The following NLN variants were observed in gnomAD, a reference collection of about 807,000 sequenced individuals.
NLN encodes neurolysin, mitochondrial.
Under a neutral mutation model 79.9 loss-of-function variants are expected in NLN, and 64 were observed. The ratio of observed to expected loss-of-function variants is 0.80; its 90% CI spans 0.65 to 0.99. The LOEUF (loss-of-function observed/expected upper bound fraction) is 0.99. NLN is among the 50% of genes least tolerant of loss of function. The pLI, the probability that NLN is intolerant of heterozygous loss-of-function variation, is 0.00. For synonymous variants in NLN, 267 were observed against 296.6 expected (o/e 0.90, Z 1.02); for missense variants, 835 against 858.7 (o/e 0.97, Z 0.34).
rs1301030870 is a variant in NLN at position 65,812,392 on chromosome 5, G to A, written c.1980+1G>A. On this transcript the variant is annotated splice_donor_variant, in intron 12 of 12. Transcript: ENST00000380985. LOFTEE classifies it high-confidence loss of function. ...AAAAGAAGGGATAATGAATCCAGAG[G>A]TATAGTATTATTTTTCTCCTTTTAT... The A allele has an allele frequency of 1.3e-6, 2 of 1,503,616 alleles. No individual in the cohort carries two copies. The highest frequency in any genetic ancestry group is 9.2e-7 in the Non-Finnish European group (1 of 1,084,946). The allele number at this position is 1,503,616 out of a possible 1,614,324, so 93.1% of individuals were successfully genotyped here.
At chr5:65,754,269 C>T (rs948023722) in intron 1 of NLN, among the ~76,000 whole-genome samples, 43 of 152,194 alleles carry the variant, frequency 2.8e-4, no homozygotes, top group African/African-American at 7.9e-4. Context: ...TCTGTTTTAT[C>T]GTAAATCAGA....
At chr5:65,785,971 C>A (rs1314847877) in intron 7 of NLN, 61 bp downstream of exon 7, 3 of 1,480,780 alleles carry the variant, frequency 2.0e-6, no homozygotes, top group African/African-American at 1.4e-5. Flanking sequence ...AGACAGAAGG[C>A]CTCAGAACAT....
At chr5:65,741,539 C>A (rs1036060779) in intron 1 of NLN, among the ~76,000 whole-genome samples, 3 of 152,120 alleles carry the variant, frequency 2.0e-5, no homozygotes, top group African/African-American at 7.2e-5. Flanking sequence ...CACACACTAA[C>A]AAGCCTAAGT....
intron 3 of NLN, among the ~76,000 whole-genome samples, chr5:65,764,804 A>G (rs1759417513): frequency 6.6e-6 from 1 of 152,214 alleles, no homozygotes; most frequent in South Asian, 2.1e-4. Flanking sequence ...ACTCTACATC[A>G]GGATAATAAA....
chr5:65,726,264 G>A (rs1365872240), intron 1 of NLN, among the ~76,000 whole-genome samples: 3 of 152,142 alleles, frequency 2.0e-5, no homozygotes, highest in Non-Finnish European at 4.4e-5. Context: ...TGTGTACTTG[G>A]TCACATATAA....
In NLN at chr5:65,722,426, G is replaced by A; in HGVS notation, c.41+12G>A. On this transcript the variant is annotated intron_variant, in intron 1 of 12. Coordinates refer to ENST00000380985, the MANE Select transcript of NLN (RefSeq NM_020726.5). The stretch of plus-strand genomic sequence containing the variant: ...CGAAGCCTCCGCAGGTACCTCCAGC[G>A]CGCGGGTTAACCTTGGCCGTGGGCA... 1.3e-6 allele frequency: 2 copies of A among 1,582,616 alleles called. No individual in the cohort carries two copies. Among genetic ancestry groups the A allele is most frequent in the Admixed American group, 1.8e-5 (1 of 56,448 alleles).
At chr5:65,788,646 G>A (rs1759990735) in intron 8 of NLN, among the ~76,000 whole-genome samples, 162 bp downstream of exon 8, 1 of 152,084 alleles carries the variant, frequency 6.6e-6, no homozygotes, top group South Asian at 2.1e-4. Flanking sequence ...GACCAGCCTG[G>A]GCAACATAGT....
intron 2 of NLN, among the ~76,000 whole-genome samples, chr5:65,762,091 C>G (rs1759351817): frequency 6.6e-6 from 1 of 152,004 alleles, no homozygotes; most frequent in Admixed American, 6.5e-5. Context: ...GATGAAAAAC[C>G]CAGGAACCAC....
At chr5:65,752,556 G>A (rs1759123307) in intron 1 of NLN, among the ~76,000 whole-genome samples, 1 of 152,192 alleles carries the variant, frequency 6.6e-6, no homozygotes, top group South Asian at 2.1e-4. Flanking sequence ...GCAGCTGCTG[G>A]AATGACTACA....
At chr5:65,783,227 G>T (rs557584131) in intron 6 of NLN, among the ~76,000 whole-genome samples, 1 of 152,278 alleles carries the variant, frequency 6.6e-6, no homozygotes, top group African/African-American at 2.4e-5. Flanking sequence ...GATGGTAGTG[G>T]TTGCACAATA....
At chr5:65,798,224 C>T (rs189633137) in intron 9 of NLN, among the ~76,000 whole-genome samples, 78 of 152,284 alleles carry the variant, frequency 5.1e-4, no homozygotes, top group Non-Finnish European at 9.0e-4. Flanking sequence ...ACAGTACGCT[C>T]TGAAGTAGAT....
At chr5:65,740,679 G>A (rs549455119) in intron 1 of NLN, among the ~76,000 whole-genome samples, 122 of 151,790 alleles carry the variant, frequency 8.0e-4, no homozygotes, top group Non-Finnish European at 1.3e-3. Flanking sequence ...CTGTCTTTTC[G>A]TGTGTTCCTG....
intron 2 of NLN, among the ~76,000 whole-genome samples, chr5:65,760,633 T>C (rs1199923517): frequency 6.6e-6 from 1 of 152,120 alleles, no homozygotes; most frequent in Non-Finnish European, 1.5e-5. Flanking sequence ...CTGCCTCAGC[T>C]TCCTGAGTAG....
At chr5:65,772,711 TTTTG>T (rs908536560) in intron 3 of NLN, among the ~76,000 whole-genome samples, 18 of 152,068 alleles carry the variant, frequency 1.2e-4, no homozygotes, top group Non-Finnish European at 1.6e-4. Flanking sequence ...TTGTTTTGTT[TTTTG>T]TTTGTTTGTT....
At chr5:65,781,540 C>T in intron 6 of NLN, 119 bp downstream of exon 6, 1 of 721,696 alleles carries the variant, frequency 1.4e-6, no homozygotes, top group South Asian at 1.6e-5. Context: ...TGCACTGTAT[C>T]TCTAATTCCT....
chr5:65,790,086 A>T (rs144188181), intron 8 of NLN, among the ~76,000 whole-genome samples: 1 of 152,246 alleles, frequency 6.6e-6, no homozygotes, highest in Admixed American at 6.5e-5. Context: ...TATAGATTCC[A>T]TAGTGTTTCA....
At chr5:65,732,272 A>ATTCTGCCCACTCT (rs1450932883) in intron 1 of NLN, among the ~76,000 whole-genome samples, 3 of 142,480 alleles carry the variant, frequency 2.1e-5, no homozygotes, top group African/African-American at 5.3e-5. Context: ...GACTCTGCCC[A>ATTCTGCCCACTCT]GAGGGATGGC....
intron 1 of NLN, among the ~76,000 whole-genome samples, chr5:65,740,707 C>G (rs183717375): frequency 6.6e-6 from 1 of 151,864 alleles, no homozygotes; most frequent in Admixed American, 6.6e-5. Context: ...CGTCCAAAAT[C>G]GGTTGGCCAT....
intron 3 of NLN, among the ~76,000 whole-genome samples, chr5:65,772,720 T>A (rs1162373267): frequency 1.3e-5 from 2 of 151,880 alleles, no homozygotes; most frequent in African/African-American, 4.8e-5. Flanking sequence ...TTTTTGTTTG[T>A]TTGTTTGTTT....
Sources: allele counts gnomAD v4.1 joint callset (sites outside exome capture counted in the v4.1 genomes callset), GRCh38; gene constraint gnomAD v4.1.1; transcripts MANE v1.5; gene names NCBI Gene and HGNC (gene_info 2026-07-23, HGNC 2026-07-21).